The following ANXA13 variants were observed in gnomAD, a reference collection of about 807,000 sequenced individuals.
ANXA13 encodes annexin XIII.
In ANXA13, 36 loss-of-function variants were observed where a neutral mutation model predicts 46.6. The observed-to-expected ratio is 0.77, with a 90% CI of 0.59 to 1.02. ANXA13 has a LOEUF of 1.02. Ranked by LOEUF, ANXA13 falls within the 50% of genes least tolerant of loss-of-function variation. The pLI, the probability that ANXA13 is intolerant of heterozygous loss-of-function variation, is 0.00. For synonymous variants in ANXA13, 163 were observed against 152.9 expected (o/e 1.07, Z -0.49); for missense variants, 417 against 396.5 (o/e 1.05, Z -0.44).
intron 2 of ANXA13, among the ~76,000 whole-genome samples, chr8:123,704,294 T>C (rs1468999334): frequency 6.6e-6 from 1 of 152,062 alleles, no homozygotes; most frequent in Non-Finnish European, 1.5e-5. Flanking sequence ...TTAGAGACTA[T>C]CTAGTCCAAG....
intron 1 of ANXA13, among the ~76,000 whole-genome samples, chr8:123,713,931 C>T (rs1051428905): frequency 6.6e-6 from 1 of 152,178 alleles, no homozygotes; most frequent in South Asian, 2.1e-4. Flanking sequence ...TGAGCTCAGG[C>T]AATCTGCCTG....
Position 123,702,696 on chromosome 8 carries a change from C to T in ANXA13, c.132G>A (p.Arg44=), listed in dbSNP as rs1813466598. ...TGATTTGTTGCCTCTCATCTGATGT[C>T]CTGCCCGATAAGATTTCAATGATGG... ...EAAIIEILSG[R]TSDERQQIKQ... The change falls in exon 3 of 11, where the codon AGG becomes AGA. Residue 44 remains arginine (R), a synonymous_variant. Transcript: ENST00000419625. 1.9e-6 allele frequency: 3 copies of T among 1,614,058 alleles called. No homozygotes were observed. The highest frequency in any genetic ancestry group is 2.5e-6 in the Non-Finnish European group (3 of 1,180,016).
chr8:123,725,783 T>C (rs1813971978), intron 1 of ANXA13, among the ~76,000 whole-genome samples: 1 of 152,216 alleles, frequency 6.6e-6, no homozygotes, highest in African/African-American at 2.4e-5. Context: ...TTCTCCAGGA[T>C]CTCACACCGA....
In ANXA13 at chr8:123,732,119, C is replaced by T. The variant is rs1209299715; in HGVS notation, c.15+5201G>A. On this transcript the variant is annotated intron_variant, in intron 1 of 10. Coordinates refer to ENST00000419625, the MANE Select transcript of ANXA13 (RefSeq NM_004306.4). ...GCGTAAAAAGAAGCTTTATTGAACC[C>T]AAGGCATAGTGTTAAAAATTTGTGC... Among the ~76,000 whole-genome samples the T allele has an allele frequency of 2.0e-5, 3 of 152,198 alleles. No homozygotes were observed. The South Asian group carries it at 6.2e-4, about 32-fold the overall frequency.
At chr8:123,722,784 T>G (rs1180478107) in intron 1 of ANXA13, among the ~76,000 whole-genome samples, 1 of 152,220 alleles carries the variant, frequency 6.6e-6, no homozygotes, top group East Asian at 1.9e-4. Flanking sequence ...GGTTTCATTA[T>G]GATGACTCAG....
chr8:123,691,074 CTG>C (rs1400600405), intron 8 of ANXA13, among the ~76,000 whole-genome samples: 1 of 152,214 alleles, frequency 6.6e-6, no homozygotes, highest in Non-Finnish European at 1.5e-5. Flanking sequence ...GTTTGGGAAA[CTG>C]TTGCGTGGCC....
intron 7 of ANXA13, 88 bp from the exon 8 acceptor site, chr8:123,693,386 A>T: frequency 8.7e-7 from 1 of 1,150,486 alleles, no homozygotes; most frequent in South Asian, 1.4e-5. Context: ...CTGACAGGAA[A>T]TTATAAACTA....
chr8:123,724,206 A>G (rs1813938520), intron 1 of ANXA13, among the ~76,000 whole-genome samples: 1 of 152,234 alleles, frequency 6.6e-6, no homozygotes, highest in Non-Finnish European at 1.5e-5. Context: ...ATGAAAGTGA[A>G]GTCCTAAGAC....
At chr8:123,717,680 C>T (rs991359015) in intron 1 of ANXA13, among the ~76,000 whole-genome samples, 10 of 152,172 alleles carry the variant, frequency 6.6e-5, no homozygotes, top group African/African-American at 2.4e-4. Context: ...GCTTATTAGC[C>T]GTGTGACTTC....
At chr8:123,712,573 C>A in intron 2 of ANXA13, 105 bp downstream of exon 2, 1 of 1,026,782 alleles carries the variant, frequency 9.7e-7, no homozygotes, top group South Asian at 1.3e-5. Context: ...GCTCGGAATA[C>A]ACAAGATAGT....
intron 9 of ANXA13, among the ~76,000 whole-genome samples, chr8:123,686,846 T>A (rs1586311850): frequency 1.3e-5 from 2 of 152,092 alleles, no homozygotes; most frequent in South Asian, 4.1e-4. Flanking sequence ...GGGAGCGGGG[T>A]GGGAAGTGTC....
intron 4 of ANXA13, 142 bp from the exon 5 acceptor site, chr8:123,695,863 C>T: frequency 1.4e-6 from 1 of 708,274 alleles, no homozygotes; most frequent in East Asian, 2.6e-5. Context: ...CCTATAGGTC[C>T]AGGGCACACG....
intron 1 of ANXA13, among the ~76,000 whole-genome samples, chr8:123,714,182 C>T (rs1376642118): frequency 1.3e-5 from 2 of 152,206 alleles, no homozygotes; most frequent in Admixed American, 1.3e-4. Flanking sequence ...TCCCCTTCCC[C>T]CATTGTGTGG....
At chr8:123,722,362 G>T (rs1158197159) in intron 1 of ANXA13, among the ~76,000 whole-genome samples, 2 of 87,006 alleles carry the variant, frequency 2.3e-5, no homozygotes, top group African/African-American at 8.8e-5. Context: ...AAGAAAGAAA[G>T]AAAGAAAGAA....
intron 2 of ANXA13, chr8:123,712,450 C>T (rs1529620): frequency 0.067 from 37,612 of 561,708 alleles, 1,498 homozygotes; most frequent in Non-Finnish European, 0.078. Flanking sequence ...TCAAATTAAA[C>T]GTCACAATAT....
rs146803511 is a variant in ANXA13, at chr8:123,682,347, T to A, written c.832-988A>T. ...TCTTACAGCCTAGCAAAGGAGACGATACTTGTACCAGAAAAGATGTAATTC... is the reference window on the plus strand; with the variant it reads ...TCTTACAGCCTAGCAAAGGAGACGAAACTTGTACCAGAAAAGATGTAATTC... On this transcript the variant is annotated intron_variant, in intron 10 of 10. Transcript: ENST00000419625. Among the ~76,000 whole-genome samples, 3 of 152,300 alleles carry A rather than the reference T, an allele frequency of 2.0e-5. No homozygotes were observed. The East Asian group carries it at 5.8e-4, about 29-fold the overall frequency.
At chr8:123,695,906 G>GACCCCCCCCCCCCCCCCCCCCCCCC (rs1813324311) in intron 4 of ANXA13, among the ~76,000 whole-genome samples, 185 bp from the exon 5 acceptor site, 1 of 91,152 alleles carries the variant, frequency 1.1e-5, no homozygotes, top group African/African-American at 4.2e-5. Flanking sequence ...GTGACGGCCC[G>GACCCCCCCCCCCCCCCCCCCCCCCC]CCCCCCCCCC....
intron 1 of ANXA13, among the ~76,000 whole-genome samples, chr8:123,730,594 G>C (rs1340348358): frequency 1.3e-5 from 2 of 152,144 alleles, no homozygotes; most frequent in Non-Finnish European, 2.9e-5. Context: ...TGGAAAGAGA[G>C]TCTTTGTAGA....
chr8:123,725,104 T>G (rs1174150233), intron 1 of ANXA13, among the ~76,000 whole-genome samples: 1 of 152,230 alleles, frequency 6.6e-6, no homozygotes, highest in Non-Finnish European at 1.5e-5. Context: ...TAATACATTC[T>G]TTTTGCTTTC....
Sources: gnomAD v4.1 joint callset for allele counts (sites outside exome capture counted in the v4.1 genomes callset) on GRCh38, gnomAD v4.1.1 for gene constraint, MANE v1.5 for transcripts, NCBI Gene and HGNC (gene_info 2026-07-23, HGNC 2026-07-21) for gene names.